Variants in SIKE1 observed in about 807,000 individuals in gnomAD.
The protein encoded by SIKE1 is suppressor of IKK epsilon.
A neutral mutation model predicts 25.8 loss-of-function variants in SIKE1; 13 were observed. The ratio of observed to expected loss-of-function variants is 0.50; its 90% CI spans 0.33 to 0.80. The LOEUF (loss-of-function observed/expected upper bound fraction) is 0.80, where lower values mean the gene tolerates loss of function less well. Ranked by LOEUF, SIKE1 falls within the 30% of genes least tolerant of loss-of-function variation. The pLI is 0.02. For synonymous variants in SIKE1, 86 were observed against 95.5 expected (o/e 0.90, Z 0.58); for missense variants, 222 against 252.4 (o/e 0.88, Z 0.82).
Position 114,771,955 on chromosome 1 carries a change from T to G in SIKE1, c.*2316A>C, listed in dbSNP as rs895487883. ...CTTCATCACCAAGTTTCTATTTCAG[T>G]AGGTCAGGGAAGCACATTTTGAAGA... is the stretch of plus-strand genomic sequence containing the variant. On this transcript the variant is annotated 3_prime_UTR_variant, in exon 5 of 5. Coordinates refer to ENST00000060969, the MANE Select transcript of SIKE1 (RefSeq NM_025073.3). The G allele has an allele frequency of 3.3e-5, 5 of 152,168 alleles. No homozygotes were observed. The highest frequency in any genetic ancestry group is 1.2e-4 in the African/African-American group (5 of 41,454). The allele number at this position is 152,168 out of a possible 1,614,324, so 9.4% of individuals were successfully genotyped here.
intron 2 of SIKE1, 116 bp from the exon 3 acceptor site, chr1:114,779,400 AT>A: frequency 8.9e-7 from 1 of 1,124,792 alleles, no homozygotes; most frequent in Non-Finnish European, 1.2e-6. Flanking sequence ...AAAGTTGTAA[AT>A]CAATGTTTAA....
At chr1:114,777,846 TTAAC>T (rs1222028406) in intron 3 of SIKE1, among the ~76,000 whole-genome samples, 1 of 152,226 alleles carries the variant, frequency 6.6e-6, no homozygotes, top group Non-Finnish European at 1.5e-5. Context: ...CAATTGTAGT[TTAAC>T]TACCCATTGG....
Position 114,777,084 on chromosome 1 carries a change from C to T in SIKE1, c.409-625G>A, listed in dbSNP as rs111665907. Among the ~76,000 whole-genome samples, 557 of 152,234 alleles carry T rather than the reference C, an allele frequency of 3.7e-3. 2 individuals are homozygous for T. The highest frequency in any genetic ancestry group is 6.7e-3 in the Non-Finnish European group (455 of 68,012). On this transcript the variant is annotated intron_variant, in intron 3 of 4. Coordinates refer to ENST00000060969, the MANE Select transcript of SIKE1 (RefSeq NM_025073.3). Reference sequence around the variant, plus strand: ...CTTGGACACAGGGTGGGGAACATCACACACCGGGGCCTGTCATAGGGTTGG... The same window carrying T: ...CTTGGACACAGGGTGGGGAACATCATACACCGGGGCCTGTCATAGGGTTGG...
At position 114,780,635 on chromosome 1, in the gene SIKE1, G is replaced by A. The variant is rs375038761; in HGVS notation, c.-28C>T. On this transcript the variant is annotated 5_prime_UTR_variant, in exon 1 of 5. Coordinates refer to ENST00000060969, the MANE Select transcript of SIKE1 (RefSeq NM_025073.3). ...CAGCAGCACCACCCCAGCCCCTGCC[G>A]GGCTCAGCTACGCGACTCGCTCAGA... 5 of 1,569,284 alleles carry A rather than the reference G, an allele frequency of 3.2e-6. No homozygotes were observed. The highest frequency in any genetic ancestry group is 1.7e-4 in the Middle Eastern group (1 of 5,934).
rs1662064723 is a variant in SIKE1 at position 114,771,306 on chromosome 1, T to C, written c.*2965A>G. 1 of 152,226 alleles carries C rather than the reference T, an allele frequency of 6.6e-6. No individual in the cohort carries two copies. Among genetic ancestry groups the C allele is most frequent in the Admixed American group, 6.5e-5 (1 of 15,282 alleles). 9.4% of individuals were successfully genotyped at this position (152,226 alleles called of 1,614,324 possible). The stretch of plus-strand genomic sequence containing the variant: ...CTCCATTTATTGAATTCATAATACT[T>C]TATAAGCTGTGGTGTTTCTTTTGCA... On this transcript the variant is annotated 3_prime_UTR_variant, in exon 5 of 5. Coordinates refer to ENST00000060969, the MANE Select transcript of SIKE1 (RefSeq NM_025073.3).
At chr1:114,774,965 C>T (rs1040094554) in intron 4 of SIKE1, among the ~76,000 whole-genome samples, 10 of 152,134 alleles carry the variant, frequency 6.6e-5, no homozygotes, top group Admixed American at 4.6e-4. Context: ...TGTCCAAATT[C>T]AGACAACTTG....
rs1440899443 is a variant in SIKE1, at chr1:114,776,464, G to A, written c.409-5C>T. 6.3e-7 allele frequency: 1 copy of A among 1,582,136 alleles called. No homozygotes were observed. The highest frequency in any genetic ancestry group is 1.3e-5 in the African/African-American group (1 of 74,368). ...GTCAATCTGACTCTCAATTTCCTGTGAAGATATTAAGGAAACAAAGGTGGA... is the reference window on the plus strand; with the variant it reads ...GTCAATCTGACTCTCAATTTCCTGTAAAGATATTAAGGAAACAAAGGTGGA... On this transcript the variant is annotated splice_region_variant and splice_polypyrimidine_tract_variant and intron_variant, in intron 3 of 4. Transcript: ENST00000060969.
chr1:114,778,341 C>T (rs1369014189), intron 3 of SIKE1, among the ~76,000 whole-genome samples: 5 of 152,054 alleles, frequency 3.3e-5, no homozygotes, highest in Admixed American at 6.6e-5. Flanking sequence ...ACTTCTCTCC[C>T]CTAACAACAT....
In SIKE1 at chr1:114,780,501, A is replaced by T. The variant is rs756421782; in HGVS notation, c.107T>A (p.Leu36Gln). ...CCGCATAGCTGCTACCCGCCGGTGCAGCGCCGCCGACTGATCCACCAGCGA... is the reference window on the plus strand; with the variant it reads ...CCGCATAGCTGCTACCCGCCGGTGCTGCGCCGCCGACTGATCCACCAGCGA... ...AESLVDQSAALHRRVAAMREA... is the reference protein window; with the variant it reads ...AESLVDQSAAQHRRVAAMREA... Residue 36 changes from leucine to glutamine, a missense_variant, in exon 1 of 5, where the codon CTG becomes CAG. Leu to Gln is a moderately radical substitution (Grantham distance 113, BLOSUM62 -2). Transcript: ENST00000060969. The T allele has an allele frequency of 1.2e-5, 20 of 1,613,436 alleles. No individual in the cohort carries two copies. The highest frequency in any genetic ancestry group is 1.7e-5 in the Non-Finnish European group (20 of 1,180,022).
Position 114,780,009 on chromosome 1 carries a change from TA to T in SIKE1, c.265+100del, listed in dbSNP as rs1395485545. On this transcript the variant is annotated intron_variant, in intron 2 of 4. Transcript: ENST00000060969. ...GGCCAGATCAGGAGGACTCTCCTAC[TA>T]AAAGTACTGACCTGGAAATATATGT... 3.7e-6 allele frequency: 3 copies of T among 809,432 alleles called. No individual in the cohort carries two copies. In the East Asian group the frequency reaches 7.8e-5, roughly 21 times the overall value. 50.1% of individuals were successfully genotyped at this position (809,432 alleles called of 1,614,324 possible).
rs1413902782 is a variant in SIKE1, at chr1:114,773,404, T to A, written c.*867A>T. ...CCAAGTAAGTGATGGTTCTTAACTA[T>A]AAAATGGAAATTGTATAAAAATTAA... On this transcript the variant is annotated 3_prime_UTR_variant, in exon 5 of 5. Coordinates refer to ENST00000060969, the MANE Select transcript of SIKE1 (RefSeq NM_025073.3). 6.6e-6 allele frequency: 1 copy of A among 152,116 alleles called. No homozygotes were observed. The highest frequency in any genetic ancestry group is 2.4e-5 in the African/African-American group (1 of 41,446). 9.4% of individuals were successfully genotyped at this position (152,116 alleles called of 1,614,324 possible).
chr1:114,779,324 G>A, intron 2 of SIKE1, 40 bp from the exon 3 acceptor site: 1 of 1,600,424 alleles, frequency 6.2e-7, no homozygotes, highest in Non-Finnish European at 8.5e-7. Context: ...ATGTCTGAGA[G>A]ACAGTTCCCA....
At chr1:114,776,321 G>T (rs1662237078) in intron 4 of SIKE1, 25 bp downstream of exon 4, 3 of 1,373,070 alleles carry the variant, frequency 2.2e-6, no homozygotes, top group Non-Finnish European at 3.1e-6. Flanking sequence ...GAAATACTGT[G>T]AACCTAAATT....
chr1:114,771,962 G>C lies in SIKE1; in HGVS notation c.*2309C>G, dbSNP rs1346369755. 6.6e-6 allele frequency: 1 copy of C among 152,066 alleles called. No individual in the cohort carries two copies. Among genetic ancestry groups the C allele is most frequent in the Non-Finnish European group, 1.5e-5 (1 of 67,996 alleles). The allele number at this position is 152,066 out of a possible 1,614,324, so 9.4% of individuals were successfully genotyped here. A position where few individuals can be genotyped will look rare whatever the true frequency, so the allele number is the denominator to read the frequency against. On this transcript the variant is annotated 3_prime_UTR_variant, in exon 5 of 5. Coordinates refer to ENST00000060969, the MANE Select transcript of SIKE1 (RefSeq NM_025073.3). ...ACCAAGTTTCTATTTCAGTAGGTCA[G>C]GGAAGCACATTTTGAAGAACACTAA...
intron 3 of SIKE1, among the ~76,000 whole-genome samples, chr1:114,776,897 T>C (rs1364903356): frequency 1.3e-5 from 2 of 152,206 alleles, no homozygotes; most frequent in African/African-American, 4.8e-5. Context: ...GTGGCACATA[T>C]ATACCATGGA....
At chr1:114,779,668 C>T (rs1390501978) in intron 2 of SIKE1, among the ~76,000 whole-genome samples, 1 of 152,200 alleles carries the variant, frequency 6.6e-6, no homozygotes, top group East Asian at 1.9e-4. Flanking sequence ...TGGTAAACAA[C>T]TATTAATACC....
chr1:114,776,070 T>C (rs532646592), intron 4 of SIKE1, among the ~76,000 whole-genome samples: 1 of 152,340 alleles, frequency 6.6e-6, no homozygotes, highest in African/African-American at 2.4e-5. Context: ...TGAAGGATTT[T>C]ATCTCACATA....
chr1:114,779,094 C>T, intron 3 of SIKE1, 48 bp downstream of exon 3: 1 of 1,609,612 alleles, frequency 6.2e-7, no homozygotes, highest in Non-Finnish European at 8.5e-7. Flanking sequence ...CTAAAACAAT[C>T]TCAAGATTTC....
chr1:114,771,196 C>T lies in SIKE1; in HGVS notation c.*3075G>A, dbSNP rs1662060831. 1 of 152,234 alleles carries T rather than the reference C, an allele frequency of 6.6e-6. No homozygotes were observed. The highest frequency in any genetic ancestry group is 1.9e-4 in the East Asian group (1 of 5,206). 9.4% of individuals were successfully genotyped at this position (152,234 alleles called of 1,614,324 possible). On this transcript the variant is annotated 3_prime_UTR_variant, in exon 5 of 5. Coordinates refer to ENST00000060969, the MANE Select transcript of SIKE1 (RefSeq NM_025073.3). Reference sequence around the variant, plus strand: ...ACCTTTTCCTGTATATAGTAAGAGTCACTGATTAAACATTATTCCTTTCAG... The same window carrying T: ...ACCTTTTCCTGTATATAGTAAGAGTTACTGATTAAACATTATTCCTTTCAG...
Sources: allele counts gnomAD v4.1 joint callset (sites outside exome capture counted in the v4.1 genomes callset), GRCh38; gene constraint gnomAD v4.1.1; transcripts MANE v1.5; gene names NCBI Gene and HGNC (gene_info 2026-07-23, HGNC 2026-07-21).